ALG9: variants seen among roughly 807,000 people sequenced by gnomAD.
The protein encoded by ALG9 is ALG9 alpha-1,2-mannosyltransferase.
A neutral mutation model predicts 81.8 loss-of-function variants in ALG9; 55 were observed. The observed-to-expected ratio is 0.67, with a 90% CI of 0.54 to 0.84. The LOEUF (loss-of-function observed/expected upper bound fraction) is 0.84, where lower values mean the gene tolerates loss of function less well. Among genes scored for constraint, ALG9 ranks in the 40% least tolerant of loss-of-function variants. The pLI is 0.00. For synonymous variants in ALG9, 278 were observed against 274.3 expected (o/e 1.01, Z -0.13); for missense variants, 629 against 745.0 (o/e 0.84, Z 1.81).
chr11:111,840,702 A>G lies in ALG9; in HGVS notation c.1126T>C (p.Tyr376His). ...GCGCCACAGAGACATATAAGTGGATACACAGGGAAAAGAAATCTCTCCTCT... is the reference window on the plus strand; with the variant it reads ...GCGCCACAGAGACATATAAGTGGATGCACAGGGAAAAGAAATCTCTCCTCT... ...HKEERFLFPV[Y>H]PLICLCGAVA... The change falls in exon 10 of 15, where the codon TAT becomes CAT. Residue 376 changes from tyrosine (Y) to histidine (H), a missense_variant. Coordinates refer to ENST00000616540, the MANE Select transcript of ALG9 (RefSeq NM_024740.2). 6.2e-7 allele frequency: 1 copy of G among 1,614,180 alleles called. No homozygotes were observed. The highest frequency in any genetic ancestry group is 1.7e-5 in the Admixed American group (1 of 60,028).
intron 14 of ALG9, among the ~76,000 whole-genome samples, chr11:111,795,391 G>A (rs116006378): frequency 0.016 from 2,440 of 152,240 alleles, 64 homozygotes; most frequent in African/African-American, 0.055. Flanking sequence ...GGGAGCTGGG[G>A]GGCTGTGGTG....
the ALG9 span, among the ~76,000 whole-genome samples, chr11:111,768,206 T>C: frequency 2.0e-5 from 3 of 152,202 alleles, no homozygotes; most frequent in Admixed American, 6.5e-5. Context: ...CTTGGTGGCA[T>C]AGGCATGTTG....
intron 14 of ALG9, among the ~76,000 whole-genome samples, chr11:111,787,358 G>A (rs541702673): frequency 5.9e-5 from 9 of 151,966 alleles, no homozygotes; most frequent in East Asian, 1.9e-4. Flanking sequence ...GCTTGAACCC[G>A]GGAGGTGGAA....
In ALG9 at chr11:111,865,304, A is replaced by C. The variant is rs1555151849; in HGVS notation, c.406-53T>G. On this transcript the variant is annotated intron_variant, in intron 3 of 14. Transcript: ENST00000616540. ...GAAGTCACAGATATGAGCTAGAAAA[A>C]CTCATAAACATGAACCACTCTCATT... 2.2e-6 allele frequency: 3 copies of C among 1,355,124 alleles called. No individual in the cohort carries two copies. The East Asian group carries it at 7.6e-5, about 34-fold the overall frequency. 83.9% of individuals were successfully genotyped at this position (1,355,124 alleles called of 1,614,324 possible).
At chr11:111,776,290 TA>T in the ALG9 span, among the ~76,000 whole-genome samples, 1 of 151,970 alleles carries the variant, frequency 6.6e-6, no homozygotes, top group Admixed American at 6.6e-5. Flanking sequence ...GAGGGTGTAT[TA>T]AAAAAACAAA....
chr11:111,858,015 T>C (rs1299106877), intron 5 of ALG9: 6 of 384,236 alleles, frequency 1.6e-5, no homozygotes, highest in Admixed American at 1.5e-4. Flanking sequence ...CTCAGCTCAC[T>C]GCAACCTGAT....
At position 111,809,664 on chromosome 11, in the gene ALG9, C is replaced by G. The variant is rs781926105; in HGVS notation, c.1712G>C (p.Arg571Thr). 1 of 1,613,990 alleles carries G rather than the reference C, an allele frequency of 6.2e-7. No homozygotes were observed. Among genetic ancestry groups the G allele is most frequent in the African/African-American group, 1.3e-5 (1 of 74,914 alleles). The change falls in exon 14 of 15, where the codon AGA becomes ACA. Residue 571 changes from arginine to threonine, a missense_variant. Coordinates refer to ENST00000616540, the MANE Select transcript of ALG9 (RefSeq NM_024740.2). Reference sequence around the variant, plus strand: ...ATACCTAGAAGCATCAAGGAATGGTCTATAGGCCAAGCTGATCCATTCTTC... The same window carrying G: ...ATACCTAGAAGCATCAAGGAATGGTGTATAGGCCAAGCTGATCCATTCTTC... ...NKEEWISLAYRPFLDASRSSK... is the reference protein window; with the variant it reads ...NKEEWISLAYTPFLDASRSSK...
intron 3 of ALG9, among the ~76,000 whole-genome samples, chr11:111,867,350 A>G (rs1262645551): frequency 6.6e-6 from 1 of 152,240 alleles, no homozygotes; most frequent in Non-Finnish European, 1.5e-5. Flanking sequence ...GAATGAAAAC[A>G]GTCCATCGAT....
intron 14 of ALG9, among the ~76,000 whole-genome samples, chr11:111,788,967 A>G (rs1031112667): frequency 4.0e-5 from 6 of 151,674 alleles, no homozygotes; most frequent in Admixed American, 2.0e-4. Flanking sequence ...CCTTAGTATA[A>G]CCTCAGGGTC....
chr11:111,814,358 C>T (rs1053247253), intron 13 of ALG9, among the ~76,000 whole-genome samples: 1 of 152,150 alleles, frequency 6.6e-6, no homozygotes, highest in African/African-American at 2.4e-5. Flanking sequence ...ATCATTACCA[C>T]AGGAGTCAGG....
Position 111,785,608 on chromosome 11 carries a change from C to T in ALG9, c.*789G>A, listed in dbSNP as rs561778889. On this transcript the variant is annotated 3_prime_UTR_variant, in exon 15 of 15. Transcript: ENST00000616540. ...TGATAGAATTTTCTCCAAATATGTC[C>T]TATACAGTTGTAGTTTTGTCTGTTG... 6.1e-6 allele frequency: 1 copy of T among 163,212 alleles called. No individual in the cohort carries two copies. The highest frequency in any genetic ancestry group is 1.7e-4 in the South Asian group (1 of 5,810). The allele number at this position is 163,212 out of a possible 1,614,324, so 10.1% of individuals were successfully genotyped here.
intron 13 of ALG9, among the ~76,000 whole-genome samples, chr11:111,820,844 A>C (rs1952215997): frequency 9.0e-6 from 1 of 110,972 alleles, no homozygotes; most frequent in East Asian, 2.7e-4. Flanking sequence ...TGGGAAGCTA[A>C]GGTAGGAGGA....
intron 14 of ALG9, among the ~76,000 whole-genome samples, chr11:111,789,949 G>C (rs542817166): frequency 1.3e-5 from 2 of 151,624 alleles, no homozygotes; most frequent in South Asian, 4.2e-4. Flanking sequence ...TTCAGAAAAT[G>C]ATCTTATTCT....
chr11:111,780,613 T>G (rs1591738081), downstream of ALG9, among the ~76,000 whole-genome samples: 2 of 152,020 alleles, frequency 1.3e-5, no homozygotes, highest in African/African-American at 4.8e-5. Context: ...GCCAGGCTGG[T>G]CTCGAACTCT....
At chr11:111,817,239 GA>G (rs1951625854) in intron 13 of ALG9, 1 of 152,214 alleles carries the variant, frequency 6.6e-6, no homozygotes, top group Non-Finnish European at 1.5e-5. Context: ...CAGGGTCTTA[GA>G]AAGAGAGGCC....
intron 14 of ALG9, among the ~76,000 whole-genome samples, chr11:111,788,055 G>C (rs375542452): frequency 6.6e-6 from 1 of 152,332 alleles, no homozygotes; most frequent in East Asian, 1.9e-4. Context: ...ATTACTTCCT[G>C]ACTCTGATTT....
intron 9 of ALG9, 50 bp downstream of exon 9, chr11:111,844,551 A>G: frequency 5.0e-6 from 8 of 1,612,560 alleles, no homozygotes; most frequent in Non-Finnish European, 6.8e-6. Flanking sequence ...GGTATACACC[A>G]TTACTTGCTC....
intron 8 of ALG9, among the ~76,000 whole-genome samples, chr11:111,844,967 T>C (rs1156625457): frequency 1.3e-5 from 2 of 152,214 alleles, no homozygotes; most frequent in East Asian, 3.8e-4. Context: ...AGCTGTATTT[T>C]CTATACTGAC....
At chr11:111,834,798 A>G (rs891379801) in intron 13 of ALG9, among the ~76,000 whole-genome samples, 14 of 152,180 alleles carry the variant, frequency 9.2e-5, no homozygotes, top group South Asian at 2.1e-4. Flanking sequence ...CAGGAGACTC[A>G]TATCTGCAGA....
Sources: allele counts gnomAD v4.1 joint callset (sites outside exome capture counted in the v4.1 genomes callset), GRCh38; gene constraint gnomAD v4.1.1; transcripts MANE v1.5; gene names NCBI Gene and HGNC (gene_info 2026-07-23, HGNC 2026-07-21).